TFDP2: variants seen among roughly 807,000 people sequenced by gnomAD.
TFDP2 encodes transcription factor Dp-2 (E2F dimerization partner 2).
TFDP2 carries 17 observed loss-of-function variants against 59.3 expected under a neutral mutation model. The observed-to-expected ratio is 0.29, with a 90% CI of 0.20 to 0.43. The LOEUF (loss-of-function observed/expected upper bound fraction) is 0.43. Ranked by LOEUF, TFDP2 falls within the 20% of genes least tolerant of loss-of-function variation. The pLI is 1.00. For missense variants in TFDP2, 391 were observed against 528.8 expected, an observed-to-expected ratio of 0.74 and a Z score of 2.56; for synonymous variants, 180 against 194.7, an observed-to-expected ratio of 0.92 and a Z score of 0.63.
chr3:142,041,679 C>T (rs907819031), intron 3 of TFDP2, among the ~76,000 whole-genome samples: 5 of 152,214 alleles, frequency 3.3e-5, no homozygotes, highest in Non-Finnish European at 7.3e-5. Flanking sequence ...TTAATTTTAA[C>T]AAACACCAAC....
At chr3:142,067,251 A>G (rs540098956) in intron 3 of TFDP2, among the ~76,000 whole-genome samples, 5 of 152,300 alleles carry the variant, frequency 3.3e-5, no homozygotes, top group Admixed American at 2.0e-4. Flanking sequence ...CTCTCCTGCA[A>G]CTGATAAGCA....
At chr3:142,075,802 G>C (rs890099076) in intron 3 of TFDP2, among the ~76,000 whole-genome samples, 1 of 150,078 alleles carries the variant, frequency 6.7e-6, no homozygotes, top group Admixed American at 6.7e-5. Context: ...AGCTAGTCAG[G>C]AGGCTGAAAT....
At position 141,958,366 on chromosome 3, in the gene TFDP2, C is replaced by T. The variant is rs181450830; in HGVS notation, c.1051+1308G>A. On this transcript the variant is annotated intron_variant, in intron 11 of 12. Transcript: ENST00000489671. ...TGGATGACTCTAAAGAACATAATAT[C>T]GAGTGAAAAAAAATCAAATCACCAA... is the stretch of plus-strand genomic sequence containing the variant. Among the ~76,000 whole-genome samples, 20 of 151,730 alleles carry T rather than the reference C, an allele frequency of 1.3e-4. No individual in the cohort carries two copies. In the East Asian group the frequency reaches 1.4e-3, roughly 10 times the overall value.
At chr3:142,071,851 C>T (rs1465735298) in intron 3 of TFDP2, among the ~76,000 whole-genome samples, 2 of 152,144 alleles carry the variant, frequency 1.3e-5, no homozygotes, top group East Asian at 1.9e-4. Flanking sequence ...TAATTCTGGA[C>T]AGACTGAGTC....
intron 3 of TFDP2, among the ~76,000 whole-genome samples, chr3:142,083,499 AC>A (rs2060708960): frequency 6.6e-6 from 1 of 152,202 alleles, no homozygotes; most frequent in Non-Finnish European, 1.5e-5. Flanking sequence ...AATAGAAAAA[AC>A]AATCCTAAAA....
chr3:142,105,066 T>C (rs1208993414), intron 1 of TFDP2, among the ~76,000 whole-genome samples: 1 of 152,158 alleles, frequency 6.6e-6, no homozygotes, highest in African/African-American at 2.4e-5. Flanking sequence ...CAGAGTTATG[T>C]TAAGAGTTTA....
At chr3:142,087,503 CT>C (rs377083897) in intron 3 of TFDP2, among the ~76,000 whole-genome samples, 19,317 of 141,754 alleles carry the variant, frequency 0.14, 1,121 homozygotes, top group Middle Eastern at 0.18. Context: ...TACTTCTTTT[CT>C]TTTTTTTTTT....
chr3:141,979,298 C>T (rs945639313), intron 6 of TFDP2, among the ~76,000 whole-genome samples: 1 of 152,162 alleles, frequency 6.6e-6, no homozygotes, highest in Admixed American at 6.5e-5. Flanking sequence ...ATGGACAGTA[C>T]ATAATACTTG....
intron 1 of TFDP2, among the ~76,000 whole-genome samples, chr3:142,148,178 G>A (rs2063240704): frequency 1.3e-5 from 2 of 151,988 alleles, no homozygotes; most frequent in Non-Finnish European, 2.9e-5. Context: ...CAGATCTCGG[G>A]GAGACAGGGG....
At chr3:141,978,291 G>A (rs549342133) in intron 7 of TFDP2, among the ~76,000 whole-genome samples, 1 of 151,714 alleles carries the variant, frequency 6.6e-6, no homozygotes, top group African/African-American at 2.4e-5. Flanking sequence ...GTTGCAGTGA[G>A]CCGAGATCGC....
rs1455328263 is a variant in TFDP2 at position 142,078,432 on chromosome 3, CACAG to C, written c.82+14625_82+14628del. Among the ~76,000 whole-genome samples, 4 of 152,316 alleles carry C rather than the reference CACAG, an allele frequency of 2.6e-5. No homozygotes were observed. In the East Asian group the frequency reaches 7.7e-4, roughly 29 times the overall value. ...CCTCCCCTATCTCCAGGCAGCTCAG[CACAG>C]ACAGAGACACTCTGTTTGGGAAAAA... On this transcript the variant is annotated intron_variant, in intron 3 of 12. Transcript: ENST00000489671.
intron 10 of TFDP2, among the ~76,000 whole-genome samples, chr3:141,960,773 C>G (rs1451376880): frequency 1.3e-5 from 2 of 152,088 alleles, no homozygotes; most frequent in South Asian, 4.2e-4. Flanking sequence ...GAAGTGGGTG[C>G]CTGCCACAGG....
chr3:142,040,109 AATAAAAC>A (rs1946886612), intron 3 of TFDP2, among the ~76,000 whole-genome samples: 1 of 64,586 alleles, frequency 1.5e-5, no homozygotes. Flanking sequence ...ACATACACAA[AATAAAAC>A]ACACACACAC....
At chr3:142,100,472 A>C (rs2061286732) in intron 2 of TFDP2, among the ~76,000 whole-genome samples, 1 of 152,196 alleles carries the variant, frequency 6.6e-6, no homozygotes. Flanking sequence ...TCCCGGGTTC[A>C]AGGGATTCTC....
chr3:142,091,627 C>T (rs1446781290), intron 3 of TFDP2, among the ~76,000 whole-genome samples: 2 of 152,078 alleles, frequency 1.3e-5, no homozygotes, highest in African/African-American at 2.4e-5. Context: ...TGTCTCTAGC[C>T]TGCTCTCTAG....
At chr3:142,136,566 A>C (rs534142195) in intron 1 of TFDP2, among the ~76,000 whole-genome samples, 1 of 152,216 alleles carries the variant, frequency 6.6e-6, no homozygotes, top group African/African-American at 2.4e-5. Flanking sequence ...CTAACATTTA[A>C]GTCTTTAATC....
intron 3 of TFDP2, chr3:142,044,121 C>T: frequency 3.2e-5 from 19 of 588,850 alleles, no homozygotes; most frequent in South Asian, 2.6e-4. Flanking sequence ...TGGTCTCATT[C>T]GGGTCCAACC....
rs78741276 is a variant in TFDP2, at chr3:141,956,758, C to CAA, written c.1051+2914_1051+2915dup. ...AAAACCCCATCTCTACCAAACATAT[C>CAA]AAAAAAAAAAAAAAGATTTAACCGG... On this transcript the variant is annotated intron_variant, in intron 11 of 12. Coordinates refer to ENST00000489671, the MANE Select transcript of TFDP2 (RefSeq NM_001178139.2). Among the ~76,000 whole-genome samples the CAA allele has an allele frequency of 8.1e-4, 106 of 130,650 alleles. 1 individual carries two copies. The highest frequency in any genetic ancestry group is 2.8e-3 in the African/African-American group (100 of 35,494). The allele number at this position is 130,650 out of a possible 152,430, so 85.7% of individuals were successfully genotyped here.
intron 11 of TFDP2, among the ~76,000 whole-genome samples, chr3:141,953,241 C>T (rs181232457): frequency 2.0e-5 from 3 of 151,996 alleles, no homozygotes; most frequent in East Asian, 1.9e-4. Context: ...AGGCAGCTTA[C>T]GGAGAGAAGG....
Sources: gnomAD v4.1 joint callset for allele counts (sites outside exome capture counted in the v4.1 genomes callset) on GRCh38, gnomAD v4.1.1 for gene constraint, MANE v1.5 for transcripts, NCBI Gene and HGNC (gene_info 2026-07-23, HGNC 2026-07-21) for gene names.